The following PCDH9 variants were observed in gnomAD, a reference collection of about 807,000 sequenced individuals.
PCDH9 encodes the protein protocadherin-9.
In PCDH9, 24 loss-of-function variants were observed where a neutral mutation model predicts 70.6. The ratio of observed to expected loss-of-function variants is 0.34; its 90% CI spans 0.25 to 0.48. PCDH9 has a LOEUF of 0.48. Ranked by LOEUF, PCDH9 falls within the 20% of genes least tolerant of loss-of-function variation. PCDH9 has a pLI of 0.99. For synonymous variants in PCDH9, 562 were observed against 558.5 expected (o/e 1.01, Z -0.09); for missense variants, 1,281 against 1,503.6 (o/e 0.85, Z 2.45).
intron 2 of PCDH9, among the ~76,000 whole-genome samples, chr13:67,106,363 G>A (rs1473040658): frequency 6.6e-6 from 1 of 152,156 alleles, no homozygotes; most frequent in Non-Finnish European, 1.5e-5. Flanking sequence ...CAAGATAAAT[G>A]TAAGATATTC....
At chr13:66,475,333 C>T (rs1312248338) in intron 4 of PCDH9, among the ~76,000 whole-genome samples, 2 of 152,110 alleles carry the variant, frequency 1.3e-5, no homozygotes, top group East Asian at 3.9e-4. Flanking sequence ...TCACTGTGAC[C>T]TAAAGATAGC....
At chr13:66,846,623 G>A (rs9317619) in intron 3 of PCDH9, among the ~76,000 whole-genome samples, 124 of 151,070 alleles carry the variant, frequency 8.2e-4, no homozygotes, top group Non-Finnish European at 4.0e-4. Context: ...TTTCCTTCTC[G>A]TTCACTTCTT....
At chr13:66,369,644 AAG>A (rs1956612215) in intron 4 of PCDH9, among the ~76,000 whole-genome samples, 1 of 152,166 alleles carries the variant, frequency 6.6e-6, no homozygotes, top group African/African-American at 2.4e-5. Context: ...AAATGGGGCA[AAG>A]AATAGAGGGA....
intron 2 of PCDH9, among the ~76,000 whole-genome samples, chr13:66,910,950 T>G (rs1192141527): frequency 6.6e-6 from 1 of 152,156 alleles, no homozygotes; most frequent in Non-Finnish European, 1.5e-5. Context: ...CTTAAGAAAC[T>G]TTTGACAAAT....
chr13:66,992,144 G>A (rs937050846), intron 2 of PCDH9, among the ~76,000 whole-genome samples: 2 of 152,108 alleles, frequency 1.3e-5, no homozygotes, highest in African/African-American at 4.8e-5. Flanking sequence ...TGACCTAGCA[G>A]TGAGCACATT....
At chr13:66,726,750 G>C (rs906737222) in intron 3 of PCDH9, among the ~76,000 whole-genome samples, 1 of 152,184 alleles carries the variant, frequency 6.6e-6, no homozygotes, top group South Asian at 2.1e-4. Context: ...CACGATTCTT[G>C]AAGTGCAGTA....
intron 2 of PCDH9, among the ~76,000 whole-genome samples, chr13:66,965,578 C>A (rs1389568110): frequency 6.6e-6 from 1 of 152,010 alleles, no homozygotes. Context: ...GTCTCCTTTT[C>A]TTTTATTTAT....
chr13:66,983,657 T>G (rs2083824419), intron 2 of PCDH9, among the ~76,000 whole-genome samples: 1 of 152,106 alleles, frequency 6.6e-6, no homozygotes, highest in African/African-American at 2.4e-5. Flanking sequence ...TCATAAAACT[T>G]TACTTCATAA....
intron 2 of PCDH9, among the ~76,000 whole-genome samples, chr13:66,949,613 T>C (rs1246260945): frequency 6.6e-6 from 1 of 152,032 alleles, no homozygotes; most frequent in Non-Finnish European, 1.5e-5. Flanking sequence ...TCTCGGAGGC[T>C]TTTTTGATCA....
chr13:67,196,957 GA>G (rs2089081202), intron 2 of PCDH9, among the ~76,000 whole-genome samples: 2 of 152,058 alleles, frequency 1.3e-5, no homozygotes, highest in East Asian at 3.9e-4. Context: ...TTATTTGTAA[GA>G]AGAAAGAGAA....
intron 3 of PCDH9, among the ~76,000 whole-genome samples, chr13:66,689,807 G>A (rs1196599742): frequency 6.6e-6 from 1 of 152,118 alleles, no homozygotes; most frequent in Non-Finnish European, 1.5e-5. Context: ...AGCTGTCCCT[G>A]GTCTGCAGAT....
chr13:66,918,904 C>A (rs2082598025), intron 2 of PCDH9, among the ~76,000 whole-genome samples: 1 of 151,120 alleles, frequency 6.6e-6, no homozygotes, highest in Admixed American at 6.6e-5. Context: ...GAGTATTCTG[C>A]ACCATCTATT....
intron 3 of PCDH9, among the ~76,000 whole-genome samples, chr13:66,873,940 C>CTTTTTTTTTTTTTTTTTTTTTTTTTTTT (rs528441546): frequency 9.0e-6 from 1 of 111,130 alleles, no homozygotes; most frequent in Non-Finnish European, 1.8e-5. Flanking sequence ...TTCTTTCTTT[C>CTTTTTTTTTTTTTTTTTTTTTTTTTTTT]TTTTTTTTTT....
At chr13:66,802,314 C>G (rs1218256265) in intron 3 of PCDH9, among the ~76,000 whole-genome samples, 2 of 151,900 alleles carry the variant, frequency 1.3e-5, no homozygotes, top group East Asian at 3.9e-4. Context: ...ATGTTGTGAA[C>G]AGTCAGGCAC....
Position 66,478,743 on chromosome 13 carries a change from A to C in PCDH9, c.3340+152467T>G, listed in dbSNP as rs1445873595. The stretch of plus-strand genomic sequence containing the variant: ...GCAAAAGAAAAATTTGAAGCTAGCA[A>C]GTATTTGCTCATGAGATTTAAGGAA... On this transcript the variant is annotated intron_variant, in intron 4 of 4. Coordinates refer to ENST00000377865, the MANE Select transcript of PCDH9 (RefSeq NM_203487.3). 2.6e-5 allele frequency among the ~76,000 whole-genome samples: 4 copies of C among 152,324 alleles called. No individual in the cohort carries two copies. The East Asian group carries it at 7.7e-4, about 29-fold the overall frequency.
At chr13:67,026,655 C>A (rs1248481606) in intron 2 of PCDH9, among the ~76,000 whole-genome samples, 1 of 151,974 alleles carries the variant, frequency 6.6e-6, no homozygotes, top group Non-Finnish European at 1.5e-5. Context: ...GATTGTATAT[C>A]TAGAAAAACC....
rs185651918 is a variant in PCDH9 at position 66,432,343 on chromosome 13, C to T, written c.3341-127315G>A. The stretch of plus-strand genomic sequence containing the variant: ...ACTTTGGGAATTTGTGGCAACATGA[C>T]GTCTGAGCCTTGAGGTAATTTACTT... On this transcript the variant is annotated intron_variant, in intron 4 of 4. Coordinates refer to ENST00000377865, the MANE Select transcript of PCDH9 (RefSeq NM_203487.3). Among the ~76,000 whole-genome samples, 434 of 151,964 alleles carry T rather than the reference C, an allele frequency of 2.9e-3. 3 individuals are homozygous for T. The highest frequency in any genetic ancestry group is 9.8e-3 in the African/African-American group (406 of 41,512).
chr13:66,671,642 T>C (rs527498288), intron 3 of PCDH9, among the ~76,000 whole-genome samples: 1 of 152,232 alleles, frequency 6.6e-6, no homozygotes, highest in East Asian at 1.9e-4. Context: ...ACTGGTGGCA[T>C]TTTGCCCCTG....
chr13:66,356,426 A>G (rs1956383288), intron 4 of PCDH9, among the ~76,000 whole-genome samples: 1 of 152,012 alleles, frequency 6.6e-6, no homozygotes, highest in Non-Finnish European at 1.5e-5. Flanking sequence ...ACAAAATCTG[A>G]TTTCTTCAAA....
Sources: allele counts gnomAD v4.1 joint callset (sites outside exome capture counted in the v4.1 genomes callset), GRCh38; gene constraint gnomAD v4.1.1; transcripts MANE v1.5; gene names NCBI Gene and HGNC (gene_info 2026-07-23, HGNC 2026-07-21).